SAMD7: variants seen among roughly 807,000 people sequenced by gnomAD.
The protein encoded by SAMD7 is sterile alpha motif domain-containing protein 7.
A neutral mutation model predicts 36.7 loss-of-function variants in SAMD7; 34 were observed. That is an observed-to-expected ratio of 0.93 (90% confidence interval 0.71 to 1.23). The LOEUF is 1.23. SAMD7 is among the 50% of genes most tolerant of loss of function. The pLI, the probability that SAMD7 is intolerant of heterozygous loss-of-function variation, is 0.00. For missense variants in SAMD7, 570 were observed against 546.6 expected (o/e 1.04, Z -0.43); for synonymous variants, 188 against 189.7 (o/e 0.99, Z 0.07).
At chr3:169,913,039 C>T (rs147881572) in intron 1 of SAMD7, among the ~76,000 whole-genome samples, 12 of 152,244 alleles carry the variant, frequency 7.9e-5, no homozygotes, top group East Asian at 3.9e-4. Flanking sequence ...CAAGAAAACT[C>T]GCAAGAAGCC....
chr3:169,916,325 G>GT (rs1388086378), intron 2 of SAMD7, among the ~76,000 whole-genome samples: 3 of 152,122 alleles, frequency 2.0e-5, no homozygotes, highest in Non-Finnish European at 4.4e-5. Context: ...TGCTAGACGA[G>GT]TAAGTTCTAG....
chr3:169,923,247 C>A (rs1225315579), intron 4 of SAMD7, among the ~76,000 whole-genome samples: 2 of 152,302 alleles, frequency 1.3e-5, no homozygotes, highest in Middle Eastern at 3.4e-3. Flanking sequence ...ATGTTTCTAC[C>A]ACAGGTCACG....
Position 169,923,573 on chromosome 3 carries a change from C to T in SAMD7, c.212-1485C>T, listed in dbSNP as rs566755961. On this transcript the variant is annotated intron_variant, in intron 4 of 8. Transcript: ENST00000335556. ...CCTGGTCAACATGGTGAAACGCCGT[C>T]TCTACTAAAAATATGAAAATTAGCC... Among the ~76,000 whole-genome samples, 14 of 152,276 alleles carry T rather than the reference C, an allele frequency of 9.2e-5. No individual in the cohort carries two copies. In the East Asian group the frequency reaches 2.5e-3, roughly 27 times the overall value.
In SAMD7 at chr3:169,931,920, T is replaced by C. The variant is rs570775711; in HGVS notation, c.1041+3342T>C. The C allele has an allele frequency of 1.0e-4, 30 of 295,920 alleles. No individual in the cohort carries two copies. In the Admixed American group the frequency reaches 1.3e-3, roughly 12 times the overall value. 18.3% of individuals were successfully genotyped at this position (295,920 alleles called of 1,614,324 possible). A position where few individuals can be genotyped will look rare whatever the true frequency, so the allele number is the denominator to read the frequency against. On this transcript the variant is annotated intron_variant, in intron 7 of 8. Transcript: ENST00000335556. ...AATGTGTGTAATGATGGAATCTCCT[T>C]ACTAACCATTACCACTGCCTCTCCT...
intron 6 of SAMD7, among the ~76,000 whole-genome samples, 162 bp from the exon 7 acceptor site, chr3:169,928,295 G>A (rs1027202589): frequency 6.6e-6 from 1 of 152,220 alleles, no homozygotes; most frequent in Non-Finnish European, 1.5e-5. Context: ...GAAAAGAAAG[G>A]AGGCAGCTGA....
At position 169,938,676 on chromosome 3, in the gene SAMD7, A is replaced by AATGACCCC; in HGVS notation, c.*172_*179dup. 1.9e-6 allele frequency: 1 copy of AATGACCCC among 538,670 alleles called. No homozygotes were observed. Among genetic ancestry groups the AATGACCCC allele is most frequent in the Non-Finnish European group, 3.3e-6 (1 of 307,526 alleles). The allele number at this position is 538,670 out of a possible 1,614,324, so 33.4% of individuals were successfully genotyped here. A position where few individuals can be genotyped will look rare whatever the true frequency, so the allele number is the denominator to read the frequency against. On this transcript the variant is annotated 3_prime_UTR_variant, in exon 9 of 9. Coordinates refer to ENST00000335556, the MANE Select transcript of SAMD7 (RefSeq NM_001304366.2). ...CCAAGGGGCTTCCCTGCCAGGGCTG[A>AATGACCCC]ATGACCCCAGCACCAAATGACTGGA...
chr3:169,915,827 C>T (rs537034831), intron 2 of SAMD7, among the ~76,000 whole-genome samples: 1 of 152,022 alleles, frequency 6.6e-6, no homozygotes, highest in Non-Finnish European at 1.5e-5. Flanking sequence ...ATCCACCCAC[C>T]TCGGCCTCCC....
intron 1 of SAMD7, among the ~76,000 whole-genome samples, chr3:169,914,628 G>A (rs1256888431): frequency 6.6e-6 from 1 of 152,170 alleles, no homozygotes; most frequent in Admixed American, 6.5e-5. Context: ...AAGCAAGCCA[G>A]ACCCAAGAAC....
chr3:169,936,358 T>A lies in SAMD7; in HGVS notation c.1061T>A (p.Ile354Asn). The change falls in exon 8 of 9, where the codon ATT becomes AAT. Residue 354 changes from isoleucine (I) to asparagine (N), a missense_variant. By Grantham distance (149) the Ile-to-Asn change is moderately radical. Transcript: ENST00000335556. The part of the protein sequence containing the change: ...DYAQVFKDHA[I>N]DGETLPLLTE... ...ATGAAGGTATTTAAAGATCATGCAATTGATGGAGAAACTTTGCCATTACTC... is the reference window on the plus strand; with the variant it reads ...ATGAAGGTATTTAAAGATCATGCAAATGATGGAGAAACTTTGCCATTACTC... 6.2e-7 allele frequency: 1 copy of A among 1,608,736 alleles called. No homozygotes were observed.
chr3:169,927,509 A>C (rs2108262435), intron 6 of SAMD7, among the ~76,000 whole-genome samples: 1 of 151,752 alleles, frequency 6.6e-6, no homozygotes, highest in Non-Finnish European at 1.5e-5. Context: ...GTTGGCCAGG[A>C]TGGTCTCAAT....
In SAMD7 at chr3:169,926,974, A is replaced by G. The variant is rs746713922; in HGVS notation, c.712A>G (p.Ser238Gly). The change falls in exon 6 of 9, where the codon AGT becomes GGT. Residue 238 changes from serine to glycine, a missense_variant. Ser to Gly is a moderately conservative substitution (Grantham distance 56). Coordinates refer to ENST00000335556, the MANE Select transcript of SAMD7 (RefSeq NM_001304366.2). ...TGAAGCACCCAGCAACCAGAAGTCA[A>G]GTGAAACGAATGAAAAGCCAACGAC... ...DIEAPSNQKS[S>G]ETNEKPTTAL... The G allele has an allele frequency of 3.7e-6, 6 of 1,614,012 alleles. No individual in the cohort carries two copies. The highest frequency in any genetic ancestry group is 5.1e-6 in the Non-Finnish European group (6 of 1,180,008).
chr3:169,932,216 G>T, intron 7 of SAMD7: 3 of 824,592 alleles, frequency 3.6e-6, no homozygotes, highest in East Asian at 3.3e-5. Flanking sequence ...GCAGCCCAGT[G>T]GGTGGTTCCC....
At chr3:169,932,805 A>T (rs565991340) in intron 7 of SAMD7, 46 of 557,092 alleles carry the variant, frequency 8.3e-5, no homozygotes, top group Non-Finnish European at 1.2e-4. Flanking sequence ...TCCCTTTATG[A>T]CTCTGGCCTG....
At chr3:169,919,970 T>C (rs566517245) in intron 3 of SAMD7, among the ~76,000 whole-genome samples, 15 of 152,132 alleles carry the variant, frequency 9.9e-5, no homozygotes, top group Non-Finnish European at 1.9e-4. Context: ...GTCAGGAGTT[T>C]GAGACCAGCC....
intron 3 of SAMD7, 78 bp from the exon 4 acceptor site, chr3:169,921,136 A>G: frequency 7.4e-7 from 1 of 1,355,702 alleles, no homozygotes. Context: ...CAATAACAAA[A>G]TCTCATTGTC....
chr3:169,933,065 C>A, intron 7 of SAMD7: 2 of 899,828 alleles, frequency 2.2e-6, no homozygotes, highest in Non-Finnish European at 1.9e-6. Flanking sequence ...TGAAGTCTAC[C>A]TTAAAATCTG....
At chr3:169,925,674 C>T (rs552467028) in intron 5 of SAMD7, among the ~76,000 whole-genome samples, 30 of 152,194 alleles carry the variant, frequency 2.0e-4, no homozygotes, top group Admixed American at 3.3e-4. Flanking sequence ...AGCAGTGAGC[C>T]GAGATTGCAC....
chr3:169,929,672 CATA>C (rs1559952991), intron 7 of SAMD7, among the ~76,000 whole-genome samples: 2 of 152,110 alleles, frequency 1.3e-5, no homozygotes, highest in South Asian at 4.1e-4. Flanking sequence ...TGAAGATAAT[CATA>C]ATAATACATT....
intron 2 of SAMD7, among the ~76,000 whole-genome samples, chr3:169,916,283 G>A (rs1449273673): frequency 6.6e-6 from 1 of 152,182 alleles, no homozygotes; most frequent in Admixed American, 6.6e-5. Context: ...TGGAAGTGGA[G>A]AACTGTTGTC....
Sources: gnomAD v4.1 joint callset for allele counts (sites outside exome capture counted in the v4.1 genomes callset) on GRCh38, gnomAD v4.1.1 for gene constraint, MANE v1.5 for transcripts, NCBI Gene and HGNC (gene_info 2026-07-23, HGNC 2026-07-21) for gene names.